HS3ST3A1: variants seen among roughly 807,000 people sequenced by gnomAD.
HS3ST3A1 encodes the protein heparan sulfate glucosamine 3-O-sulfotransferase 3A1.
A neutral mutation model predicts 25.7 loss-of-function variants in HS3ST3A1; 19 were observed. The ratio of observed to expected loss-of-function variants is 0.74; its 90% confidence interval spans 0.52 to 1.08. The LOEUF (loss-of-function observed/expected upper bound fraction) is 1.08, where lower values mean the gene tolerates loss of function less well. HS3ST3A1 is among the 50% of genes least tolerant of loss of function. The pLI is 0.00. For synonymous variants in HS3ST3A1, 226 were observed against 278.6 expected (o/e 0.81, Z 1.88); for missense variants, 459 against 594.3 (o/e 0.77, Z 2.37).
chr17:13,530,651 CTTGGG>C (rs2142331242), intron 1 of HS3ST3A1, among the ~76,000 whole-genome samples: 1 of 151,592 alleles, frequency 6.6e-6, no homozygotes, highest in East Asian at 1.9e-4. Flanking sequence ...CTTTGTAAGA[CTTGGG>C]GGAGCCTGCC....
At chr17:13,575,845 A>G (rs916231736) in intron 1 of HS3ST3A1, among the ~76,000 whole-genome samples, 3 of 152,244 alleles carry the variant, frequency 2.0e-5, no homozygotes, top group Non-Finnish European at 4.4e-5. Context: ...CATTTCCCAG[A>G]AAAGTGCCAT....
At chr17:13,501,826 G>A (rs2072771186) in intron 1 of HS3ST3A1, among the ~76,000 whole-genome samples, 1 of 152,230 alleles carries the variant, frequency 6.6e-6, no homozygotes, top group African/African-American at 2.4e-5. Context: ...AAAGGGTTCA[G>A]AGAGTTAGAA....
At chr17:13,583,774 T>A (rs2142384991) in intron 1 of HS3ST3A1, among the ~76,000 whole-genome samples, 1 of 152,356 alleles carries the variant, frequency 6.6e-6, no homozygotes, top group African/African-American at 2.4e-5. Context: ...TTCTTTTCTC[T>A]ACGAACCTCT....
At chr17:13,550,643 G>A (rs10521227) in intron 1 of HS3ST3A1, among the ~76,000 whole-genome samples, 5,221 of 152,108 alleles carry the variant, frequency 0.034, 296 homozygotes, top group African/African-American at 0.12. Context: ...ATTCAGGACC[G>A]AGATTAGGAT....
chr17:13,539,653 A>C (rs1012159547), intron 1 of HS3ST3A1, among the ~76,000 whole-genome samples: 2 of 152,248 alleles, frequency 1.3e-5, no homozygotes, highest in African/African-American at 4.8e-5. Context: ...CACATGATTC[A>C]TATTCAAGCA....
chr17:13,507,382 G>A (rs1905720137), intron 1 of HS3ST3A1, among the ~76,000 whole-genome samples: 2 of 152,198 alleles, frequency 1.3e-5, no homozygotes, highest in Non-Finnish European at 2.9e-5. Context: ...TTGCTAATAG[G>A]TCTAGAATGA....
At chr17:13,580,085 C>A (rs1026635614) in intron 1 of HS3ST3A1, among the ~76,000 whole-genome samples, 1 of 151,474 alleles carries the variant, frequency 6.6e-6, no homozygotes, top group Non-Finnish European at 1.5e-5. Context: ...CCATGTTTTT[C>A]GTAAGGGGCA....
intron 1 of HS3ST3A1, 90 bp downstream of exon 1, chr17:13,600,441 C>G: frequency 7.0e-7 from 1 of 1,428,824 alleles, no homozygotes; most frequent in Non-Finnish European, 9.1e-7. Flanking sequence ...GGGAGGAGGG[C>G]GAACTGGGGG....
chr17:13,507,044 G>T (rs1273021002), intron 1 of HS3ST3A1, among the ~76,000 whole-genome samples: 1 of 149,980 alleles, frequency 6.7e-6, no homozygotes, highest in East Asian at 1.9e-4. Context: ...ACTCCAGCCA[G>T]GGTGACAAAG....
At chr17:13,575,899 C>T (rs1287692665) in intron 1 of HS3ST3A1, among the ~76,000 whole-genome samples, 2 of 152,232 alleles carry the variant, frequency 1.3e-5, no homozygotes. Flanking sequence ...CACGGCAAGT[C>T]TTTCTGGAAA....
chr17:13,593,846 A>C (rs1433297201), intron 1 of HS3ST3A1, among the ~76,000 whole-genome samples: 1 of 152,176 alleles, frequency 6.6e-6, no homozygotes, highest in African/African-American at 2.4e-5. Flanking sequence ...CAAGAAACTG[A>C]CGTTGGTATA....
At chr17:13,528,020 C>T (rs895065756) in intron 1 of HS3ST3A1, among the ~76,000 whole-genome samples, 4 of 152,092 alleles carry the variant, frequency 2.6e-5, no homozygotes, top group Admixed American at 6.5e-5. Flanking sequence ...GCAGTGCCTC[C>T]TGGGGTGGCC....
chr17:13,522,857 C>G (rs201748777), intron 1 of HS3ST3A1, among the ~76,000 whole-genome samples: 6,496 of 124,736 alleles, frequency 0.052, 298 homozygotes, highest in African/African-American at 0.11. Context: ...CAGAGAGACA[C>G]ACACACACAC....
At position 13,518,180 on chromosome 17, in the gene HS3ST3A1, A is replaced by AATATTT. The variant is rs202219849; in HGVS notation, c.600-21368_600-21363dup. Among the ~76,000 whole-genome samples, 695 of 152,328 alleles carry AATATTT rather than the reference A, an allele frequency of 4.6e-3. 5 individuals are homozygous for AATATTT. Among genetic ancestry groups the AATATTT allele is most frequent in the Middle Eastern group, 0.017 (5 of 294 alleles). ...ACAGAAATTACAGTGGAAATACACA[A>AATATTT]ATATTTATGTAAGATGGTGTCTATT... is the stretch of plus-strand genomic sequence containing the variant. On this transcript the variant is annotated intron_variant, in intron 1 of 1. Coordinates refer to ENST00000284110, the MANE Select transcript of HS3ST3A1 (RefSeq NM_006042.3).
intron 1 of HS3ST3A1, among the ~76,000 whole-genome samples, chr17:13,558,078 T>C (rs1008178298): frequency 1.3e-5 from 2 of 152,148 alleles, no homozygotes; most frequent in African/African-American, 2.4e-5. Context: ...TCAGGAAAGC[T>C]ATAGTCCACC....
intron 1 of HS3ST3A1, among the ~76,000 whole-genome samples, chr17:13,517,740 C>T (rs1029512385): frequency 2.0e-5 from 3 of 152,134 alleles, no homozygotes; most frequent in African/African-American, 7.2e-5. Context: ...CAACCTCCGC[C>T]TCCCAGGTTC....
intron 1 of HS3ST3A1, among the ~76,000 whole-genome samples, chr17:13,578,507 G>A (rs1024010360): frequency 6.7e-6 from 1 of 148,904 alleles, no homozygotes; most frequent in Non-Finnish European, 1.5e-5. Flanking sequence ...AGGTTGCAGT[G>A]AGCCAAGATC....
chr17:13,499,213 G>A (rs1307152408), intron 1 of HS3ST3A1, among the ~76,000 whole-genome samples: 1 of 152,150 alleles, frequency 6.6e-6, no homozygotes, highest in East Asian at 1.9e-4. Flanking sequence ...AGATTCCGCG[G>A]TGTGACATGA....
intron 1 of HS3ST3A1, among the ~76,000 whole-genome samples, chr17:13,587,228 G>T (rs1263924366): frequency 6.6e-6 from 1 of 152,002 alleles, no homozygotes; most frequent in Non-Finnish European, 1.5e-5. Context: ...GGCTGAGGTG[G>T]GCGGATCACG....
Sources: allele counts gnomAD v4.1 joint callset (sites outside exome capture counted in the v4.1 genomes callset), GRCh38; gene constraint gnomAD v4.1.1; transcripts MANE v1.5; gene names NCBI Gene and HGNC (gene_info 2026-07-23, HGNC 2026-07-21).